SPTB: variants seen among roughly 807,000 people sequenced by gnomAD.
The protein encoded by SPTB is spectrin beta chain, erythrocytic.
Under a neutral mutation model 256.2 loss-of-function variants are expected in SPTB, and 45 were observed. That is an observed-to-expected ratio of 0.18 (90% CI 0.14 to 0.23). The LOEUF is 0.23. Among genes scored for constraint, SPTB ranks in the 10% least tolerant of loss-of-function variants. The pLI is 1.00. For missense variants in SPTB, 2,715 were observed against 3,040.4 expected (o/e 0.89, Z 2.52); for synonymous variants, 1,231 against 1,243.1 (o/e 0.99, Z 0.21).
chr14:64,753,971 G>C, intron 32 of SPTB, 178 bp from the exon 33 acceptor site: 1 of 773,538 alleles, frequency 1.3e-6, no homozygotes, highest in Non-Finnish European at 2.2e-6. Context: ...GTGCCCCCTT[G>C]CTTCTCTACT....
rs970222761 is a variant in SPTB, at chr14:64,774,532, G to A, written c.4843-5C>T. On this transcript the variant is annotated splice_polypyrimidine_tract_variant and splice_region_variant and intron_variant, in intron 23 of 35. Coordinates refer to ENST00000644917, the MANE Select transcript of SPTB (RefSeq NM_001355436.2). ...CACAATGGCGCCCTCTTCATCCTAG[G>A]AGGCAGCAGACGGTCAGCGCCAGAG... 2.6e-6 allele frequency: 4 copies of A among 1,552,732 alleles called. No individual in the cohort carries two copies. Among genetic ancestry groups the A allele is most frequent in the Admixed American group, 2.0e-5 (1 of 51,242 alleles).
intron 2 of SPTB, among the ~76,000 whole-genome samples, chr14:64,813,680 G>A (rs8016839): frequency 0.054 from 8,188 of 152,134 alleles, 788 homozygotes; most frequent in African/African-American, 0.19. Context: ...GCGCCACCAC[G>A]CCCAGCTAAA....
chr14:64,784,481 G>GTGC, intron 18 of SPTB, 88 bp from the exon 19 acceptor site: 1 of 1,545,982 alleles, frequency 6.5e-7, no homozygotes, highest in Admixed American at 1.7e-5. Flanking sequence ...TGCAGAAGGA[G>GTGC]AAGGCCATGG....
Position 64,775,787 on chromosome 14 carries a change from C to A in SPTB, c.4564-384G>T, listed in dbSNP as rs986093262. On this transcript the variant is annotated intron_variant, in intron 22 of 35. Transcript: ENST00000644917. This position sits in a 1 kb window ranked among gnomAD's most constrained non-coding sequence, Gnocchi z 5.0. Reference sequence around the variant, plus strand: ...TGTGTTGGAAGGAAAAGAAAAATGGCCTTTTTGATACCTTATTCTAACAGC... The same window carrying A: ...TGTGTTGGAAGGAAAAGAAAAATGGACTTTTTGATACCTTATTCTAACAGC... 6.6e-6 allele frequency among the ~76,000 whole-genome samples: 1 copy of A among 152,180 alleles called. No individual in the cohort carries two copies. The highest frequency in any genetic ancestry group is 1.5e-5 in the Non-Finnish European group (1 of 68,030).
Position 64,797,716 on chromosome 14 carries a change from A to G in SPTB, c.1182+13T>C, listed in dbSNP as rs201960938. ...AATCTACTGTCAATGCATAACGGAA[A>G]ATGCTGTGGTACCCTGTTGATGTCA... On this transcript the variant is annotated intron_variant, in intron 10 of 35. Coordinates refer to ENST00000644917, the MANE Select transcript of SPTB (RefSeq NM_001355436.2). 1 of 1,581,686 alleles carries G rather than the reference A, an allele frequency of 6.3e-7. No individual in the cohort carries two copies. The highest frequency in any genetic ancestry group is 8.7e-7 in the Non-Finnish European group (1 of 1,150,472).
chr14:64,823,495 G>C lies in SPTB; in HGVS notation c.-51-350C>G, dbSNP rs957062705. 1.3e-5 allele frequency among the ~76,000 whole-genome samples: 2 copies of C among 152,216 alleles called. No individual in the cohort carries two copies. Among genetic ancestry groups the C allele is most frequent in the African/African-American group, 4.8e-5 (2 of 41,452 alleles). Reference sequence around the variant, plus strand: ...AGAGAGGAAGCTCTCCTGGGAGCCAGAGGCAGCAGGGCACAAGCTGGGGAA... The same window carrying C: ...AGAGAGGAAGCTCTCCTGGGAGCCACAGGCAGCAGGGCACAAGCTGGGGAA... On this transcript the variant is annotated intron_variant, in intron 1 of 35. Coordinates refer to ENST00000644917, the MANE Select transcript of SPTB (RefSeq NM_001355436.2). The surrounding 1 kb of genome is among the most constrained non-coding windows in gnomAD (Gnocchi z 6.5).
Position 64,824,925 on chromosome 14 carries a change from C to T in SPTB, c.-51-1780G>A, listed in dbSNP as rs1195033553. Among the ~76,000 whole-genome samples the T allele has an allele frequency of 6.6e-6, 1 of 152,160 alleles. No individual in the cohort carries two copies. The highest frequency in any genetic ancestry group is 1.5e-5 in the Non-Finnish European group (1 of 68,022). On this transcript the variant is annotated intron_variant, in intron 1 of 35. Transcript: ENST00000644917. The surrounding 1 kb of genome is among the most constrained non-coding windows in gnomAD (Gnocchi z 5.7). ...GAGCCAGGATTACCCACCCTAATTG[C>T]CTTGGGAGAAAAACCAAGGCCTGCT...
Position 64,804,957 on chromosome 14 carries a change from C to T in SPTB, c.282G>A (p.Val94=). The change falls in exon 3 of 36, where the codon GTG becomes GTA. Residue 94 remains valine, a synonymous_variant. Transcript: ENST00000644917. ...DGRMLIKLLE[V]LSGEMLPKPT... ...ACTTTACCAGCATCTCTCCAGAGAG[C>T]ACCTCCAGCAGCTTGATGAGCATGC... The T allele has an allele frequency of 6.2e-7, 1 of 1,614,168 alleles. No individual in the cohort carries two copies. Among genetic ancestry groups the T allele is most frequent in the Non-Finnish European group, 8.5e-7 (1 of 1,180,030 alleles).
chr14:64,834,075 G>A (rs2139733937), intron 1 of SPTB, among the ~76,000 whole-genome samples: 1 of 152,250 alleles, frequency 6.6e-6, no homozygotes, highest in East Asian at 1.9e-4. Context: ...CACCCAGGCT[G>A]GAGTGCAGTG....
At chr14:64,869,230 C>G (rs1024803580) in intron 1 of SPTB, among the ~76,000 whole-genome samples, 3 of 152,116 alleles carry the variant, frequency 2.0e-5, no homozygotes, top group African/African-American at 7.2e-5. Context: ...CATGAAAACT[C>G]TCAGCATAGT....
intron 4 of SPTB, 143 bp downstream of exon 4, chr14:64,803,464 A>G: frequency 1.9e-6 from 2 of 1,032,832 alleles, no homozygotes; most frequent in East Asian, 2.5e-5. Flanking sequence ...ACTCCTTCCT[A>G]CAAGCACTGT....
In SPTB at chr14:64,816,786, A is replaced by C. The variant is rs1426956778; in HGVS notation, c.148+6161T>G. 6.6e-6 allele frequency among the ~76,000 whole-genome samples: 1 copy of C among 152,036 alleles called. No homozygotes were observed. The highest frequency in any genetic ancestry group is 1.5e-5 in the Non-Finnish European group (1 of 68,018). The stretch of plus-strand genomic sequence containing the variant: ...GAAAATTGCTACAGATGCTCTGAAA[A>C]CACCACCCTTGGCACCTCCTCAGCC... On this transcript the variant is annotated intron_variant, in intron 2 of 35. Coordinates refer to ENST00000644917, the MANE Select transcript of SPTB (RefSeq NM_001355436.2). This position sits in a 1 kb window ranked among gnomAD's most constrained non-coding sequence, Gnocchi z 4.2.
At chr14:64,817,605 C>A (rs894092453) in intron 2 of SPTB, among the ~76,000 whole-genome samples, 7 of 152,242 alleles carry the variant, frequency 4.6e-5, no homozygotes, top group Admixed American at 4.6e-4. Flanking sequence ...TGATGCCCGT[C>A]CACGGGGGTG....
Position 64,799,859 on chromosome 14 carries a change from T to C in SPTB, c.952A>G (p.Ile318Val), listed in dbSNP as rs2082848029. ...TTCAGGACAGTGATGGTCTGCTCGA[T>C]CCAGGTGAGCAGGTCCGAGGCTAGC... ...SGLASDLLTW[I>V]EQTITVLNSR... Residue 318 changes from isoleucine (I) to valine (V), a missense_variant, in exon 9 of 36, where the codon ATC becomes GTC. Physicochemically the swap from Ile to Val is conservative, Grantham distance 29. Around this residue, in one of 4 missense-constraint regions of SPTB, gnomAD observed 416 missense variants for 571.1 expected, o/e 0.73. Coordinates refer to ENST00000644917, the MANE Select transcript of SPTB (RefSeq NM_001355436.2). 3 of 1,614,118 alleles carry C rather than the reference T, an allele frequency of 1.9e-6. No individual in the cohort carries two copies. In the South Asian group the frequency reaches 3.3e-5, roughly 18 times the overall value.
rs146355737 is a variant in SPTB, at chr14:64,802,274, C to A, written c.518G>T (p.Arg173Leu). 3 of 1,614,104 alleles carry A rather than the reference C, an allele frequency of 1.9e-6. No individual in the cohort carries two copies. The highest frequency in any genetic ancestry group is 1.1e-5 in the South Asian group (1 of 91,092). The change falls in exon 5 of 36, where the codon CGC becomes CTC. Residue 173 changes from arginine (R) to leucine (L), a missense_variant. Around this residue, in one of 4 missense-constraint regions of SPTB, gnomAD observed 416 missense variants for 571.1 expected, o/e 0.73. Transcript: ENST00000644917. The surrounding 1 kb of genome is among the most constrained non-coding windows in gnomAD (Gnocchi z 5.1). ...VVQTQEGRET[R>L]SAKDALLLWC... ...CAACAGCAACGCATCCTTGGCTGAGCGTGTTTCACGACCTTCCTGAGTTTG... is the reference window on the plus strand; with the variant it reads ...CAACAGCAACGCATCCTTGGCTGAGAGTGTTTCACGACCTTCCTGAGTTTG...
Position 64,802,148 on chromosome 14 carries a change from T to TC in SPTB, c.566+77dup, listed in dbSNP as rs2082898715. Reference sequence around the variant, plus strand: ...TAGTTCTGGGTGATGATGTCTAATGTCCCTCTGGAGATGGCAGTGCTTGTG... The same window carrying TC: ...TAGTTCTGGGTGATGATGTCTAATGTCCCCTCTGGAGATGGCAGTGCTTGTG... On this transcript the variant is annotated intron_variant, in intron 5 of 35. Coordinates refer to ENST00000644917, the MANE Select transcript of SPTB (RefSeq NM_001355436.2). This position sits in a 1 kb window ranked among gnomAD's most constrained non-coding sequence, Gnocchi z 5.1. 5 of 1,342,788 alleles carry TC rather than the reference T, an allele frequency of 3.7e-6. No individual in the cohort carries two copies. Among genetic ancestry groups the TC allele is most frequent in the Non-Finnish European group, 5.3e-6 (5 of 937,358 alleles). 83.2% of individuals were successfully genotyped at this position (1,342,788 alleles called of 1,614,324 possible). A position where few individuals can be genotyped will look rare whatever the true frequency, so the allele number is the denominator to read the frequency against.
At chr14:64,791,506 C>A in intron 15 of SPTB, among the ~76,000 whole-genome samples, 1 of 136,178 alleles carries the variant, frequency 7.3e-6, no homozygotes. Flanking sequence ...GTGGAAGTTG[C>A]AGTGAGCCGA....
In SPTB at chr14:64,753,555, T is replaced by C. The variant is rs2081980729; in HGVS notation, c.6584A>G (p.Asn2195Ser). Reference protein sequence around the residue: ...LGRKHDLEGPNKKASNRSWNN... With the variant: ...LGRKHDLEGPSKKASNRSWNN... ...CACTCACCTGTTGGAAGCCTTCTTG[T>C]TGGGCCCCTCCAGGTCATGCTTGCG... Residue 2195 changes from asparagine to serine, a missense_variant, in exon 33 of 36, where the codon AAC (asparagine) becomes AGC (serine). By Grantham distance (46) the Asn-to-Ser change is conservative (BLOSUM62 1). Transcript: ENST00000644917. 4 of 1,613,432 alleles carry C rather than the reference T, an allele frequency of 2.5e-6. No homozygotes were observed. Among genetic ancestry groups the C allele is most frequent in the African/African-American group, 1.3e-5 (1 of 74,908 alleles).
At chr14:64,808,668 C>T (rs2083031668) in intron 2 of SPTB, among the ~76,000 whole-genome samples, 1 of 152,124 alleles carries the variant, frequency 6.6e-6, no homozygotes, top group African/African-American at 2.4e-5. Context: ...GGGCAGCTCA[C>T]TCTCCCCAAG....
Sources: gnomAD v4.1 joint callset for allele counts (sites outside exome capture counted in the v4.1 genomes callset) on GRCh38, gnomAD v4.1.1 for gene constraint, gnomAD v4.1.1 regional missense constraint, Gnocchi (gnomAD v3.1) non-coding constraint, MANE v1.5 for transcripts, NCBI Gene and HGNC (gene_info 2026-07-23, HGNC 2026-07-21) for gene names.